Variants in GLI2 observed in about 807,000 individuals in gnomAD.
GLI2 encodes GLI family zinc finger 2, also known as transcription activator GLI2.
A neutral mutation model predicts 78.9 loss-of-function variants in GLI2; 22 were observed. The ratio of observed to expected loss-of-function variants is 0.28; its 90% CI spans 0.20 to 0.40. The LOEUF (loss-of-function observed/expected upper bound fraction) is 0.40. Ranked by LOEUF, GLI2 falls within the 10% of genes least tolerant of loss-of-function variation. The pLI, the probability that GLI2 is intolerant of heterozygous loss-of-function variation, is 1.00. For missense variants in GLI2, 2,097 were observed against 2,213.2 expected (o/e 0.95, Z 1.05); for synonymous variants, 974 against 963.7 (o/e 1.01, Z -0.20).
chr2:120,970,792 C>T (rs946463513), intron 7 of GLI2, among the ~76,000 whole-genome samples, 186 bp downstream of exon 7: 38 of 152,202 alleles, frequency 2.5e-4, no homozygotes, highest in Non-Finnish European at 5.4e-4. Flanking sequence ...ATGGGAAGCT[C>T]CCAGCTTCTT....
At chr2:120,740,938 G>A (rs1383963453) in intron 1 of GLI2, among the ~76,000 whole-genome samples, 1 of 152,228 alleles carries the variant, frequency 6.6e-6, no homozygotes, top group Non-Finnish European at 1.5e-5. Context: ...AGGCTGAGCA[G>A]CACGGGCGCA....
intron 2 of GLI2, among the ~76,000 whole-genome samples, chr2:120,912,154 G>A (rs977899206): frequency 6.6e-6 from 1 of 152,114 alleles, no homozygotes; most frequent in Non-Finnish European, 1.5e-5. Flanking sequence ...CTCCGGCCCC[G>A]AAACACATTG....
intron 5 of GLI2, among the ~76,000 whole-genome samples, chr2:120,965,982 T>C (rs1681835712): frequency 6.6e-6 from 1 of 152,182 alleles, no homozygotes; most frequent in Admixed American, 6.5e-5. Context: ...TAGCTCTGCT[T>C]ACTAAAATAT....
At chr2:120,784,220 G>T (rs1315149913) in intron 1 of GLI2, among the ~76,000 whole-genome samples, 1 of 152,250 alleles carries the variant, frequency 6.6e-6, no homozygotes, top group African/African-American at 2.4e-5. Context: ...GGAACAGGCA[G>T]TGAAGCACAC....
intron 5 of GLI2, among the ~76,000 whole-genome samples, chr2:120,963,886 G>A (rs186461057): frequency 5.0e-4 from 76 of 152,350 alleles, no homozygotes; most frequent in Non-Finnish European, 8.4e-4. Flanking sequence ...GAGTCCTAGC[G>A]CATGCGATGA....
intron 2 of GLI2, among the ~76,000 whole-genome samples, chr2:120,864,722 C>T (rs527441367): frequency 8.5e-5 from 13 of 152,274 alleles, no homozygotes; most frequent in Admixed American, 2.0e-4. Flanking sequence ...GCTGGGATTA[C>T]GGGCGTGAGT....
chr2:120,853,966 G>A (rs1687526078), intron 2 of GLI2, among the ~76,000 whole-genome samples: 1 of 150,594 alleles, frequency 6.6e-6, no homozygotes, highest in Admixed American at 6.6e-5. Context: ...CCTGTCCATG[G>A]TGGCCTGTGG....
intron 1 of GLI2, among the ~76,000 whole-genome samples, chr2:120,764,838 A>G (rs1240769618): frequency 6.6e-6 from 1 of 152,190 alleles, no homozygotes; most frequent in East Asian, 1.9e-4. Flanking sequence ...GGGAACAGGA[A>G]GCTGTTGTGT....
At chr2:120,979,911 T>C (rs1049932447) in intron 10 of GLI2, among the ~76,000 whole-genome samples, 4 of 152,252 alleles carry the variant, frequency 2.6e-5, no homozygotes, top group African/African-American at 7.2e-5. Context: ...TGTGCATTTG[T>C]GTCTTGCTTC....
At chr2:120,763,359 A>G (rs972185286) in intron 1 of GLI2, among the ~76,000 whole-genome samples, 6 of 152,218 alleles carry the variant, frequency 3.9e-5, no homozygotes, top group African/African-American at 9.6e-5. Flanking sequence ...GATGGAATGG[A>G]TGGACACATT....
intron 1 of GLI2, among the ~76,000 whole-genome samples, chr2:120,766,883 G>A (rs529775195): frequency 7.9e-5 from 12 of 152,270 alleles, no homozygotes; most frequent in Middle Eastern, 3.4e-3. Flanking sequence ...AGGGCAGTTC[G>A]CTATGGAGGG....
chr2:120,847,224 G>T (rs2104596396), intron 2 of GLI2, among the ~76,000 whole-genome samples: 1 of 152,250 alleles, frequency 6.6e-6, no homozygotes, highest in African/African-American at 2.4e-5. Context: ...AGCAGGCACT[G>T]TGCTGAGGGC....
chr2:120,878,292 A>T (rs974416494), intron 2 of GLI2, among the ~76,000 whole-genome samples: 5 of 152,242 alleles, frequency 3.3e-5, no homozygotes, highest in African/African-American at 4.8e-5. Flanking sequence ...CAAATGTATT[A>T]GTTATTTCTT....
chr2:120,866,031 A>T (rs1432781230), intron 2 of GLI2, among the ~76,000 whole-genome samples: 2 of 152,226 alleles, frequency 1.3e-5, no homozygotes, highest in East Asian at 3.9e-4. Context: ...ATGCTGAAAG[A>T]TGTCCACAGT....
chr2:120,859,790 C>T lies in GLI2; in HGVS notation c.148+62322C>T, dbSNP rs191555871. The stretch of plus-strand genomic sequence containing the variant: ...TTTTCTTTTGAGATGGAGTTTTGCT[C>T]TTGTCACCCAGGCTGGAGCGCAATG... On this transcript the variant is annotated intron_variant, in intron 2 of 13. Transcript: ENST00000361492. Among the ~76,000 whole-genome samples, 167 of 146,020 alleles carry T rather than the reference C, an allele frequency of 1.1e-3. 1 individual carries two copies. Among genetic ancestry groups the T allele is most frequent in the Non-Finnish European group, 1.9e-3 (127 of 66,832 alleles).
intron 5 of GLI2, among the ~76,000 whole-genome samples, chr2:120,961,618 C>T (rs984645880): frequency 2.6e-5 from 4 of 152,204 alleles, no homozygotes; most frequent in African/African-American, 9.7e-5. Context: ...ACGGCCCAGG[C>T]GCTTGCTACT....
At chr2:120,886,634 T>C (rs936796476) in intron 2 of GLI2, among the ~76,000 whole-genome samples, 4 of 152,156 alleles carry the variant, frequency 2.6e-5, no homozygotes, top group African/African-American at 9.7e-5. Context: ...CTAGCCTTCC[T>C]GAGGGGCGTG....
intron 1 of GLI2, among the ~76,000 whole-genome samples, chr2:120,741,466 C>T (rs184486612): frequency 4.1e-4 from 62 of 151,364 alleles, no homozygotes; most frequent in Middle Eastern, 3.4e-3. Context: ...CTCTGGGTCT[C>T]TCCTTTCTCT....
rs1050971454 is a variant in GLI2 at position 120,924,733 on chromosome 2, C to G, written c.149-2628C>G. Among the ~76,000 whole-genome samples the G allele has an allele frequency of 4.6e-5, 7 of 152,174 alleles. No homozygotes were observed. In the South Asian group the frequency reaches 1.4e-3, roughly 32 times the overall value. ...TGTGAGCAAGCAGTGCTTGGCCCCC[C>G]ACCCTCCCTAGGGTTTGCAACCAGT... On this transcript the variant is annotated intron_variant, in intron 2 of 13. Coordinates refer to ENST00000361492, the MANE Select transcript of GLI2 (RefSeq NM_001374353.1).
Sources: gnomAD v4.1 joint callset for allele counts (sites outside exome capture counted in the v4.1 genomes callset) on GRCh38, gnomAD v4.1.1 for gene constraint, MANE v1.5 for transcripts, NCBI Gene and HGNC (gene_info 2026-07-23, HGNC 2026-07-21) for gene names.